The following TRDMT1 variants were observed in gnomAD, a reference collection of about 807,000 sequenced individuals.
TRDMT1 encodes the protein tRNA (cytosine(38)-C(5))-methyltransferase.
Under a neutral mutation model 51.2 loss-of-function variants are expected in TRDMT1, and 49 were observed. The ratio of observed to expected loss-of-function variants is 0.96; its 90% CI spans 0.76 to 1.21. TRDMT1 has a LOEUF of 1.21. Ranked by LOEUF, TRDMT1 falls within the 50% of genes most tolerant of loss-of-function variation. TRDMT1 has a pLI of 0.00. For synonymous variants in TRDMT1, 187 were observed against 164.6 expected (o/e 1.14, Z -1.04); for missense variants, 534 against 462.3 (o/e 1.16, Z -1.42).
At chr10:17,155,088 G>T (rs758827594) in intron 8 of TRDMT1, among the ~76,000 whole-genome samples, 7 of 152,002 alleles carry the variant, frequency 4.6e-5, no homozygotes, top group Admixed American at 6.6e-5. Flanking sequence ...AGCCAGGCGT[G>T]GTGGTGCGTG....
Position 17,201,600 on chromosome 10 carries a change from C to G in TRDMT1, c.35G>C (p.Gly12Ala). The G allele has an allele frequency of 1.9e-5, 30 of 1,548,898 alleles. No individual in the cohort carries two copies. Among genetic ancestry groups the G allele is most frequent in the Non-Finnish European group, 2.6e-5 (30 of 1,146,006 alleles). ...CAGCGCGTGGTGCATGCCGCCCACG[C>G]CGCTGTATAGCTCCAGCACCCGCAG... ...EPLRVLELYS[G>A]VGGMHHALRE... The change falls in exon 1 of 11, where the codon GGC becomes GCC. Residue 12 changes from glycine to alanine, a missense_variant. Transcript: ENST00000377799.
In TRDMT1 at chr10:17,143,131, T is replaced by C. The variant is rs1379228698; in HGVS notation, c.*5909A>G. 2.0e-6 allele frequency: 2 copies of C among 985,460 alleles called. No individual in the cohort carries two copies. Among genetic ancestry groups the C allele is most frequent in the Non-Finnish European group, 2.4e-6 (2 of 829,946 alleles). 61.0% of individuals were successfully genotyped at this position (985,460 alleles called of 1,614,324 possible). A position where few individuals can be genotyped will look rare whatever the true frequency, so the allele number is the denominator to read the frequency against. On this transcript the variant is annotated 3_prime_UTR_variant, in exon 11 of 11. Transcript: ENST00000377799. ...AAGTGGCAGTAACAGACAAATTAAA[T>C]AGTTTTCAAGAGAACAACTTAAAGA...
At chr10:17,190,055 G>A (rs1264608454) in intron 1 of TRDMT1, among the ~76,000 whole-genome samples, 1 of 152,142 alleles carries the variant, frequency 6.6e-6, no homozygotes, top group Non-Finnish European at 1.5e-5. Context: ...GTCTCAGAAT[G>A]AAAATAATTA....
chr10:17,183,119 T>C (rs1843476160), intron 1 of TRDMT1, among the ~76,000 whole-genome samples: 1 of 152,246 alleles, frequency 6.6e-6, no homozygotes. Flanking sequence ...GATAAGAGTG[T>C]ATCATTACAT....
intron 3 of TRDMT1, among the ~76,000 whole-genome samples, chr10:17,164,569 A>G (rs942581481): frequency 6.6e-6 from 1 of 152,184 alleles, no homozygotes; most frequent in Non-Finnish European, 1.5e-5. Context: ...GGAAAAGAGG[A>G]AGTCAAATTG....
intron 1 of TRDMT1, among the ~76,000 whole-genome samples, chr10:17,195,070 GA>G (rs1845224790): frequency 6.6e-6 from 1 of 151,262 alleles, no homozygotes; most frequent in Non-Finnish European, 1.5e-5. Flanking sequence ...ATTTCTCAAA[GA>G]ACTTAAAACA....
intron 10 of TRDMT1, chr10:17,151,551 A>G: frequency 1.0e-6 from 1 of 985,606 alleles, no homozygotes; most frequent in Non-Finnish European, 1.2e-6. Context: ...GGTGCTGCTC[A>G]GTGGTGACAT....
At chr10:17,174,734 A>T in intron 1 of TRDMT1, 74 bp from the exon 2 acceptor site, 1 of 1,117,976 alleles carries the variant, frequency 8.9e-7, no homozygotes, top group Non-Finnish European at 1.3e-6. Flanking sequence ...AAATAGCAGA[A>T]TTTAGTAATC....
intron 8 of TRDMT1, among the ~76,000 whole-genome samples, chr10:17,156,973 T>C (rs1418212488): frequency 1.3e-5 from 2 of 152,174 alleles, no homozygotes; most frequent in African/African-American, 2.4e-5. Context: ...CTTGGGCATA[T>C]ATTACTTATA....
chr10:17,174,492 G>C (rs1255525804), intron 2 of TRDMT1, 59 bp downstream of exon 2: 1 of 1,185,576 alleles, frequency 8.4e-7, no homozygotes, highest in Admixed American at 1.7e-5. Context: ...GTATTAGGCA[G>C]TGTTTTTCAA....
At chr10:17,172,189 T>TCAAA (rs1564304100) in intron 2 of TRDMT1, among the ~76,000 whole-genome samples, 2 of 151,920 alleles carry the variant, frequency 1.3e-5, no homozygotes, top group Non-Finnish European at 2.9e-5. Context: ...TCAAAACACG[T>TCAAA]GATAAAGATA....
chr10:17,177,180 T>TTTATTTATTTA (rs148025405), intron 1 of TRDMT1, among the ~76,000 whole-genome samples: 13 of 141,542 alleles, frequency 9.2e-5, no homozygotes, highest in South Asian at 2.2e-4. Context: ...AACACATTTA[T>TTTATTTATTTA]TTTATTTATT....
chr10:17,170,957 T>C (rs1841901921), intron 2 of TRDMT1, among the ~76,000 whole-genome samples: 2 of 152,188 alleles, frequency 1.3e-5, no homozygotes, highest in South Asian at 4.1e-4. Context: ...TTTTAAATAT[T>C]TCTATTTATA....
chr10:17,146,357 T>C lies in TRDMT1; in HGVS notation c.*2683A>G. On this transcript the variant is annotated 3_prime_UTR_variant, in exon 11 of 11. Transcript: ENST00000377799. Reference sequence around the variant, plus strand: ...GTCTGATTTCACAGACAGAACACCATGGCCAGGGTCCTCTGTGAAGGTGAT... The same window carrying C: ...GTCTGATTTCACAGACAGAACACCACGGCCAGGGTCCTCTGTGAAGGTGAT... 2 of 985,466 alleles carry C rather than the reference T, an allele frequency of 2.0e-6. No individual in the cohort carries two copies. Among genetic ancestry groups the C allele is most frequent in the Non-Finnish European group, 2.4e-6 (2 of 829,930 alleles). The allele number at this position is 985,466 out of a possible 1,614,324, so 61.0% of individuals were successfully genotyped here.
In TRDMT1 at chr10:17,140,987, G is replaced by A. The variant is rs952569815; in HGVS notation, c.*8053C>T. Reference sequence around the variant, plus strand: ...AGCTGCATAGAGGTATATGTGTATCGATACATATATAGATAAAACAGAGAT... The same window carrying A: ...AGCTGCATAGAGGTATATGTGTATCAATACATATATAGATAAAACAGAGAT... On this transcript the variant is annotated 3_prime_UTR_variant, in exon 11 of 11. Coordinates refer to ENST00000377799, the MANE Select transcript of TRDMT1 (RefSeq NM_004412.7). Among the ~76,000 whole-genome samples, 2 of 152,070 alleles carry A rather than the reference G, an allele frequency of 1.3e-5. No individual in the cohort carries two copies. The highest frequency in any genetic ancestry group is 2.9e-5 in the Non-Finnish European group (2 of 68,006).
At chr10:17,189,840 T>C (rs1008839555) in intron 1 of TRDMT1, among the ~76,000 whole-genome samples, 2 of 152,182 alleles carry the variant, frequency 1.3e-5, no homozygotes, top group Non-Finnish European at 2.9e-5. Context: ...CCAAAGTCTA[T>C]GGGGTCCTGT....
chr10:17,201,444 GCCGCCCCACAGTGT>G (rs577437637), intron 1 of TRDMT1, 113 bp downstream of exon 1: 657 of 836,082 alleles, frequency 7.9e-4, no homozygotes, highest in Non-Finnish European at 9.4e-4. Flanking sequence ...ACAACCGAGG[GCCGCCCCACAGTGT>G]CCGCCCCACA....
intron 1 of TRDMT1, among the ~76,000 whole-genome samples, chr10:17,196,775 C>T (rs1471395128): frequency 6.6e-6 from 1 of 152,098 alleles, no homozygotes; most frequent in African/African-American, 2.4e-5. Flanking sequence ...CTTGTCTGGC[C>T]GTGGTATCTA....
chr10:17,138,778 T>C lies in TRDMT1; in HGVS notation c.*10262A>G, dbSNP rs1837498200. Among the ~76,000 whole-genome samples, 1 of 152,016 alleles carries C rather than the reference T, an allele frequency of 6.6e-6. No individual in the cohort carries two copies. Among genetic ancestry groups the C allele is most frequent in the African/African-American group, 2.4e-5 (1 of 41,404 alleles). On this transcript the variant is annotated 3_prime_UTR_variant, in exon 11 of 11. Coordinates refer to ENST00000377799, the MANE Select transcript of TRDMT1 (RefSeq NM_004412.7). Reference sequence around the variant, plus strand: ...TTTTCAAGTTTTTTTTTTTAAGTAATATAATCCCTTCATAAACAATGAGAA... The same window carrying C: ...TTTTCAAGTTTTTTTTTTTAAGTAACATAATCCCTTCATAAACAATGAGAA...
Sources: allele counts gnomAD v4.1 joint callset (sites outside exome capture counted in the v4.1 genomes callset), GRCh38; gene constraint gnomAD v4.1.1; transcripts MANE v1.5; gene names NCBI Gene and HGNC (gene_info 2026-07-23, HGNC 2026-07-21).